Variants in TBX2 observed in about 807,000 individuals in gnomAD.
TBX2 encodes the protein T-box transcription factor 2.
TBX2 carries 19 observed loss-of-function variants against 48.4 expected under a neutral mutation model. The ratio of observed to expected loss-of-function variants is 0.39; its 90% CI spans 0.27 to 0.58. The LOEUF (loss-of-function observed/expected upper bound fraction) is 0.58, where lower values mean the gene tolerates loss of function less well. TBX2 is among the 20% of genes least tolerant of loss of function. The pLI is 0.54. For synonymous variants in TBX2, 522 were observed against 459.7 expected (o/e 1.14, Z -1.73); for missense variants, 994 against 1,006.5 (o/e 0.99, Z 0.17).
At position 61,403,195 on chromosome 17, in the gene TBX2, C is replaced by T; in HGVS notation, c.798C>T (p.Tyr266=). The T allele has an allele frequency of 1.2e-6, 2 of 1,613,322 alleles. No homozygotes were observed. Among genetic ancestry groups the T allele is most frequent in the South Asian group, 2.2e-5 (2 of 91,088 alleles). ...PETDFIAVTA[Y]QNDKITQLKI... is the part of the protein sequence containing the mutation. ...CCGACTTCATCGCCGTCACTGCCTA[C>T]CAGAATGACAAGGTGCGCGCGGCGG... The change falls in exon 3 of 7, where the codon TAC becomes TAT. Residue 266 remains tyrosine, a synonymous_variant. Transcript: ENST00000240328. This position sits in a 1 kb window ranked among gnomAD's most constrained non-coding sequence, Gnocchi z 5.8.
chr17:61,401,994 A>C, intron 2 of TBX2, 43 bp downstream of exon 2: 1 of 1,543,662 alleles, frequency 6.5e-7, no homozygotes, highest in South Asian at 1.3e-5. Flanking sequence ...GAGCTTGTTG[A>C]CCCAGCACTG....
At chr17:61,405,947 G>A (rs2060287335) in intron 6 of TBX2, 111 bp downstream of exon 6, 3 of 1,131,044 alleles carry the variant, frequency 2.7e-6, no homozygotes, top group East Asian at 3.2e-5. Context: ...TCCTCTGGCA[G>A]GCAAGAACTC....
At position 61,400,253 on chromosome 17, in the gene TBX2, T is replaced by C; in HGVS notation, c.77T>C (p.Met26Thr). 1 of 1,204,502 alleles carries C rather than the reference T, an allele frequency of 8.3e-7. No individual in the cohort carries two copies. Among genetic ancestry groups the C allele is most frequent in the Non-Finnish European group, 1.1e-6 (1 of 945,920 alleles). 74.6% of individuals were successfully genotyped at this position (1,204,502 alleles called of 1,614,324 possible). Residue 26 changes from methionine to threonine, a missense_variant, in exon 1 of 7, where the codon ATG becomes ACG. By Grantham distance (81) the Met-to-Thr change is moderately conservative. This residue lies in a region of TBX2 where 165 missense variants were observed against 136.8 expected (regional missense o/e 1.21). Coordinates refer to ENST00000240328, the MANE Select transcript of TBX2 (RefSeq NM_005994.4). This position sits in a 1 kb window ranked among gnomAD's most constrained non-coding sequence, Gnocchi z 9.2. ...FHAPRPADFP[M>T]SAFLAAAQPS... ...GCGCCACGGCCCGCCGACTTCCCCA[T>C]GTCCGCCTTTCTGGCGGCGGCGCAG...
Position 61,400,214 on chromosome 17 carries a change from A to T in TBX2, c.38A>T (p.Tyr13Phe). Residue 13 changes from tyrosine (Y) to phenylalanine (F), a missense_variant, in exon 1 of 7, where the codon TAC (tyrosine) becomes TTC (phenylalanine). Tyr to Phe is a conservative substitution (Grantham distance 22). Coordinates refer to ENST00000240328, the MANE Select transcript of TBX2 (RefSeq NM_005994.4). This position sits in a 1 kb window ranked among gnomAD's most constrained non-coding sequence, Gnocchi z 9.2. ...GCGCTGGCGGCCAGCGCCATGGCTT[A>T]CCACCCGTTCCACGCGCCACGGCCC... is the stretch of plus-strand genomic sequence containing the variant. ...EPALAASAMA[Y>F]HPFHAPRPAD... 1 of 1,208,534 alleles carries T rather than the reference A, an allele frequency of 8.3e-7. No homozygotes were observed. The highest frequency in any genetic ancestry group is 1.5e-5 in the South Asian group (1 of 65,722). 74.9% of individuals were successfully genotyped at this position (1,208,534 alleles called of 1,614,324 possible). A position where few individuals can be genotyped will look rare whatever the true frequency, so the allele number is the denominator to read the frequency against.
chr17:61,406,967 C>T lies in TBX2; in HGVS notation c.1687-1087C>T, dbSNP rs951447522. 1 of 152,048 alleles carries T rather than the reference C, an allele frequency of 6.6e-6. No individual in the cohort carries two copies. Among genetic ancestry groups the T allele is most frequent in the African/African-American group, 2.4e-5 (1 of 41,368 alleles). The allele number at this position is 152,048 out of a possible 1,614,324, so 9.4% of individuals were successfully genotyped here. Reference sequence around the variant, plus strand: ...ACAAACTGGTAATAATCACCAGCATCACAGAGGTCATGAGGAAGTCAGGGC... The same window carrying T: ...ACAAACTGGTAATAATCACCAGCATTACAGAGGTCATGAGGAAGTCAGGGC... On this transcript the variant is annotated intron_variant, in intron 6 of 6. Coordinates refer to ENST00000240328, the MANE Select transcript of TBX2 (RefSeq NM_005994.4). The surrounding 1 kb of genome is among the most constrained non-coding windows in gnomAD (Gnocchi z 5.7).
At position 61,408,287 on chromosome 17, in the gene TBX2, G is replaced by A; in HGVS notation, c.1920G>A (p.Gly640=). 6.2e-7 allele frequency: 1 copy of A among 1,612,638 alleles called. No homozygotes were observed. Among genetic ancestry groups the A allele is most frequent in the South Asian group, 1.1e-5 (1 of 91,054 alleles). Residue 640 remains glycine, a synonymous_variant, in exon 7 of 7, where the codon GGG becomes GGA. Transcript: ENST00000240328. The stretch of plus-strand genomic sequence containing the variant: ...CTAGCACTAGCCTCCTCACCACCGG[G>A]CTGGCCTCTGAGGGCTCCAAGGCCG... ...IPPSTSLLTT[G]LASEGSKAAG...
At position 61,400,426 on chromosome 17, in the gene TBX2, C is replaced by A. The variant is rs373741482; in HGVS notation, c.250C>A (p.Pro84Thr). ...GCACGTCTCGGCACTGGGCCCGCACCCGCCCGCCGCGCATCTGCGCTCCCT... is the reference window on the plus strand; with the variant it reads ...GCACGTCTCGGCACTGGGCCCGCACACGCCCGCCGCGCATCTGCGCTCCCT... ...GLHVSALGPH[P>T]PAAHLRSLKS... The change falls in exon 1 of 7, where the codon CCG becomes ACG. Residue 84 changes from proline (P) to threonine (T), a missense_variant. Coordinates refer to ENST00000240328, the MANE Select transcript of TBX2 (RefSeq NM_005994.4). This position sits in a 1 kb window ranked among gnomAD's most constrained non-coding sequence, Gnocchi z 9.2. The A allele has an allele frequency of 4.2e-5, 65 of 1,558,548 alleles. No individual in the cohort carries two copies. Among genetic ancestry groups the A allele is most frequent in the Non-Finnish European group, 5.3e-5 (61 of 1,154,532 alleles).
At position 61,400,064 on chromosome 17, in the gene TBX2, G is replaced by C. The variant is rs957198486; in HGVS notation, c.-113G>C. On this transcript the variant is annotated 5_prime_UTR_variant, in exon 1 of 7. Coordinates refer to ENST00000240328, the MANE Select transcript of TBX2 (RefSeq NM_005994.4). This position sits in a 1 kb window ranked among gnomAD's most constrained non-coding sequence, Gnocchi z 9.2. ...GGAAGCCCCGAGGAGCAGCTGCTGC[G>C]CCCGCCACCCGGGTCGTCCGTCCAC... 2 of 439,078 alleles carry C rather than the reference G, an allele frequency of 4.6e-6. No homozygotes were observed. The highest frequency in any genetic ancestry group is 6.0e-6 in the Non-Finnish European group (2 of 332,222). 27.2% of individuals were successfully genotyped at this position (439,078 alleles called of 1,614,324 possible).
Position 61,401,828 on chromosome 17 carries a change from T to C in TBX2, c.540T>C (p.Pro180=), listed in dbSNP as rs1215559241. Residue 180 remains proline, a synonymous_variant, in exon 2 of 7, where the codon CCT becomes CCC. Coordinates refer to ENST00000240328, the MANE Select transcript of TBX2 (RefSeq NM_005994.4). ...SRWMVAGKAD[P]EMPKRMYIHP... is the part of the protein sequence containing the mutation. ...GGATGGTGGCGGGCAAGGCCGACCC[T>C]GAGATGCCCAAACGCATGTACATCC... The C allele has an allele frequency of 1.2e-6, 2 of 1,613,034 alleles. No individual in the cohort carries two copies. The highest frequency in any genetic ancestry group is 4.5e-5 in the East Asian group (2 of 44,884).
At position 61,404,760 on chromosome 17, in the gene TBX2, C is replaced by T. The variant is rs934306736; in HGVS notation, c.1042C>T (p.Arg348Trp). The T allele has an allele frequency of 1.9e-6, 3 of 1,547,172 alleles. No homozygotes were observed. The highest frequency in any genetic ancestry group is 1.7e-6 in the Non-Finnish European group (2 of 1,149,228). ...AGCGCCCAGTCCGCTGCGCCTGCAC[C>T]GGGCCCGAGGTGAGGGTCGGACCGG... ...GAAPSPLRLH[R>W]ARAEEKSCAA... Residue 348 changes from arginine (R) to tryptophan (W), a missense_variant, in exon 5 of 7, where the codon CGG becomes TGG. Coordinates refer to ENST00000240328, the MANE Select transcript of TBX2 (RefSeq NM_005994.4).
Position 61,400,421 on chromosome 17 carries a change from C to G in TBX2, c.245C>G (p.Pro82Arg). The change falls in exon 1 of 7, where the codon CCG becomes CGG. Residue 82 changes from proline to arginine, a missense_variant. Physicochemically the swap from Pro to Arg is moderately radical, Grantham distance 103 (BLOSUM62 -2). Coordinates refer to ENST00000240328, the MANE Select transcript of TBX2 (RefSeq NM_005994.4). This position sits in a 1 kb window ranked among gnomAD's most constrained non-coding sequence, Gnocchi z 9.2. ...GGGCTGCACGTCTCGGCACTGGGCC[C>G]GCACCCGCCCGCCGCGCATCTGCGC... is the stretch of plus-strand genomic sequence containing the variant. ...EAGLHVSALG[P>R]HPPAAHLRSL... The G allele has an allele frequency of 1.3e-6, 2 of 1,547,926 alleles. No homozygotes were observed. Among genetic ancestry groups the G allele is most frequent in the Non-Finnish European group, 1.7e-6 (2 of 1,149,190 alleles).
chr17:61,400,334 C>G lies in TBX2; in HGVS notation c.158C>G (p.Pro53Arg), dbSNP rs1258424491. 2.0e-6 allele frequency: 2 copies of G among 998,288 alleles called. No individual in the cohort carries two copies. Among genetic ancestry groups the G allele is most frequent in the South Asian group, 8.8e-5 (2 of 22,778 alleles). The allele number at this position is 998,288 out of a possible 1,614,324, so 61.8% of individuals were successfully genotyped here. A position where few individuals can be genotyped will look rare whatever the true frequency, so the allele number is the denominator to read the frequency against. ...CCCGGCGCGCTGGCCAAGCCGCTGC[C>G]CGACCCGGGCCTGGCGGGGGCGGCG... is the stretch of plus-strand genomic sequence containing the variant. Reference protein sequence around the residue: ...LPPGALAKPLPDPGLAGAAAA... With the variant: ...LPPGALAKPLRDPGLAGAAAA... The change falls in exon 1 of 7, where the codon CCC becomes CGC. Residue 53 changes from proline (P) to arginine (R), a missense_variant. By Grantham distance (103) the Pro-to-Arg change is moderately radical. Transcript: ENST00000240328. This position sits in a 1 kb window ranked among gnomAD's most constrained non-coding sequence, Gnocchi z 9.2.
rs2060284762 is a variant in TBX2, at chr17:61,405,463, A to C, written c.1313A>C (p.Glu438Ala). The C allele has an allele frequency of 6.3e-7, 1 of 1,576,308 alleles. No individual in the cohort carries two copies. Among genetic ancestry groups the C allele is most frequent in the African/African-American group, 1.3e-5 (1 of 74,112 alleles). ...EARRKDEGRK[E>A]AAEGKEQGLA... The stretch of plus-strand genomic sequence containing the variant: ...CGGAGGAAGGACGAGGGGCGCAAGG[A>C]GGCGGCCGAGGGCAAGGAGCAGGGC... Residue 438 changes from glutamate (E) to alanine (A), a missense_variant, in exon 6 of 7, where the codon GAG (glutamate) becomes GCG (alanine). This residue lies in a region of TBX2 where 639 missense variants were observed against 613.2 expected (regional missense o/e 1.04). Transcript: ENST00000240328.
At position 61,405,537 on chromosome 17, in the gene TBX2, G is replaced by C. The variant is rs1381303968; in HGVS notation, c.1387G>C (p.Gly463Arg). ...QTDSASPLGA[G>R]HLPGLAFSSH... Reference sequence around the variant, plus strand: ...AGACAGTGCGTCCCCCCTGGGCGCCGGACACCTGCCCGGCCTGGCCTTTTC... The same window carrying C: ...AGACAGTGCGTCCCCCCTGGGCGCCCGACACCTGCCCGGCCTGGCCTTTTC... The change falls in exon 6 of 7, where the codon GGA (glycine) becomes CGA (arginine). Residue 463 changes from glycine to arginine, a missense_variant. Physicochemically the swap from Gly to Arg is moderately radical, Grantham distance 125. Transcript: ENST00000240328. 1.3e-6 allele frequency: 2 copies of C among 1,592,336 alleles called. No homozygotes were observed. Among genetic ancestry groups the C allele is most frequent in the Non-Finnish European group, 1.7e-6 (2 of 1,172,894 alleles).
In TBX2 at chr17:61,409,114, T is replaced by C. The variant is rs1012020010; in HGVS notation, c.*608T>C. ...GATATTTATGAAATAAATGGTAATT[T>C]GTGTAAATAAGCTTTAAGGTTCCCA... is the stretch of plus-strand genomic sequence containing the variant. On this transcript the variant is annotated 3_prime_UTR_variant, in exon 7 of 7. Coordinates refer to ENST00000240328, the MANE Select transcript of TBX2 (RefSeq NM_005994.4). The C allele has an allele frequency of 2.6e-5, 4 of 152,606 alleles. No homozygotes were observed. Among genetic ancestry groups the C allele is most frequent in the African/African-American group, 9.7e-5 (4 of 41,450 alleles). 9.5% of individuals were successfully genotyped at this position (152,606 alleles called of 1,614,324 possible). A position where few individuals can be genotyped will look rare whatever the true frequency, so the allele number is the denominator to read the frequency against.
chr17:61,404,295 G>T, intron 3 of TBX2, 126 bp from the exon 4 acceptor site: 1 of 1,209,372 alleles, frequency 8.3e-7, no homozygotes, highest in South Asian at 1.6e-5. Context: ...ATCCCAGGCG[G>T]GTGGGTACCA....
rs1238440605 is a variant in TBX2 at position 61,400,206 on chromosome 17, C to T, written c.30C>T (p.Ala10=). The T allele has an allele frequency of 1.7e-6, 2 of 1,195,002 alleles. No individual in the cohort carries two copies. Among genetic ancestry groups the T allele is most frequent in the Non-Finnish European group, 1.1e-6 (1 of 941,974 alleles). 74.0% of individuals were successfully genotyped at this position (1,195,002 alleles called of 1,614,324 possible). Residue 10 remains alanine (A), a synonymous_variant, in exon 1 of 7, where the codon GCC becomes GCT. Coordinates refer to ENST00000240328, the MANE Select transcript of TBX2 (RefSeq NM_005994.4). This position sits in a 1 kb window ranked among gnomAD's most constrained non-coding sequence, Gnocchi z 9.2. The part of the protein sequence containing the change: MREPALAAS[A]MAYHPFHAPR... ...GAGAGCCGGCGCTGGCGGCCAGCGC[C>T]ATGGCTTACCACCCGTTCCACGCGC...
At chr17:61,405,083 C>A in intron 5 of TBX2, 119 bp from the exon 6 acceptor site, 5 of 1,512,950 alleles carry the variant, frequency 3.3e-6, no homozygotes, top group Non-Finnish European at 4.4e-6. Context: ...CTGCCCTTTG[C>A]CCGACTCCAG....
chr17:61,405,810 C>T lies in TBX2; in HGVS notation c.1660C>T (p.Leu554Phe), dbSNP rs758271503. 4.1e-5 allele frequency: 55 copies of T among 1,329,508 alleles called. 1 individual carries two copies. In the South Asian group the frequency reaches 1.2e-3, roughly 29 times the overall value. The allele number at this position is 1,329,508 out of a possible 1,614,324, so 82.4% of individuals were successfully genotyped here. Residue 554 changes from leucine (L) to phenylalanine (F), a missense_variant, in exon 6 of 7, where the codon CTC becomes TTC. Physicochemically the swap from Leu to Phe is conservative, Grantham distance 22. Transcript: ENST00000240328. ...CACCGCCGCGCCCTTCCCGTTCCAC[C>T]TCTCCCAGCACATGCTGGCATCTCA... ...ASTAAPFPFH[L>F]SQHMLASQGI...
Sources: allele counts gnomAD v4.1 joint callset, GRCh38; gene constraint gnomAD v4.1.1; regional missense constraint gnomAD v4.1.1; non-coding constraint Gnocchi (gnomAD v3.1); transcripts MANE v1.5; gene names NCBI Gene and HGNC (gene_info 2026-07-23, HGNC 2026-07-21).